Variants in SLC15A1 observed in about 807,000 individuals in gnomAD.
SLC15A1 encodes the protein solute carrier family 15 member 1.
SLC15A1 carries 83 observed loss-of-function variants against 92.9 expected under a neutral mutation model. The observed-to-expected ratio is 0.89, with a 90% confidence interval of 0.75 to 1.07. The LOEUF (loss-of-function observed/expected upper bound fraction) is 1.07. Among genes scored for constraint, SLC15A1 ranks in the 50% least tolerant of loss-of-function variants. SLC15A1 has a pLI of 0.00. For missense variants in SLC15A1, 857 were observed against 880.1 expected (o/e 0.97, Z 0.33); for synonymous variants, 322 against 318.2 (o/e 1.01, Z -0.13).
At chr13:98,742,581 T>C (rs1364610973) in intron 1 of SLC15A1, among the ~76,000 whole-genome samples, 9 of 151,812 alleles carry the variant, frequency 5.9e-5, no homozygotes, top group Non-Finnish European at 1.3e-4. Flanking sequence ...AAGTCTGAGA[T>C]GGAGGTCGGC....
chr13:98,741,067 T>C (rs1383532434), intron 1 of SLC15A1, among the ~76,000 whole-genome samples: 1 of 152,164 alleles, frequency 6.6e-6, no homozygotes, highest in Non-Finnish European at 1.5e-5. Flanking sequence ...GGGACTCTGC[T>C]TGTCCACCCA....
At chr13:98,702,791 C>T (rs2088078847) in intron 17 of SLC15A1, among the ~76,000 whole-genome samples, 1 of 151,528 alleles carries the variant, frequency 6.6e-6, no homozygotes, top group South Asian at 2.1e-4. Context: ...CCTTGTCTCT[C>T]TTAGAAATTA....
intron 10 of SLC15A1, 29 bp downstream of exon 10, chr13:98,712,469 G>A (rs761607412): frequency 6.7e-7 from 1 of 1,489,602 alleles, no homozygotes; most frequent in Non-Finnish European, 9.3e-7. Context: ...GGGGGAATCA[G>A]GGTCATTGTA....
At chr13:98,693,072 C>T (rs1442808692) in intron 18 of SLC15A1, among the ~76,000 whole-genome samples, 1 of 140,206 alleles carries the variant, frequency 7.1e-6, no homozygotes, top group Non-Finnish European at 1.5e-5. Flanking sequence ...CTTAACAACA[C>T]TTGTTATTGT....
At chr13:98,721,925 G>A in intron 5 of SLC15A1, 22 bp from the exon 6 acceptor site, 1 of 1,594,352 alleles carries the variant, frequency 6.3e-7, no homozygotes, top group Non-Finnish European at 8.6e-7. Context: ...AGGGTGTTAG[G>A]GCCAACATGG....
intron 12 of SLC15A1, 45 bp from the exon 13 acceptor site, chr13:98,709,819 G>T (rs758250756): frequency 6.2e-7 from 1 of 1,614,000 alleles, no homozygotes; most frequent in African/African-American, 1.3e-5. Flanking sequence ...GTCATGAAAG[G>T]GAAGAAGAAA....
intron 14 of SLC15A1, among the ~76,000 whole-genome samples, chr13:98,709,128 C>T (rs1566448478): frequency 6.6e-6 from 1 of 152,116 alleles, no homozygotes; most frequent in Non-Finnish European, 1.5e-5. Flanking sequence ...CCACCACACC[C>T]AGCTTATTTT....
At chr13:98,709,716 C>T (rs1192751564) in intron 13 of SLC15A1, 26 bp downstream of exon 13, 9 of 1,614,192 alleles carry the variant, frequency 5.6e-6, no homozygotes, top group Non-Finnish European at 6.8e-6. Flanking sequence ...ACTCTGATCC[C>T]TGAAAGCAAC....
In SLC15A1 at chr13:98,721,495, C is replaced by T. The variant is rs2088257316; in HGVS notation, c.556G>A (p.Val186Ile). The change falls in exon 7 of 23, where the codon GTT becomes ATT. Residue 186 changes from valine to isoleucine, a missense_variant and splice_region_variant. Transcript: ENST00000376503. Reference protein sequence around the residue: ...LSTIITPMLRVQQCGIHSKQA... With the variant: ...LSTIITPMLRIQQCGIHSKQA... ...GAAGTTCCTTTCAGGTATCTCTTAC[C>T]TCTGAGCATGGGTGTGATGATTGTG... is the stretch of plus-strand genomic sequence containing the variant. 1.9e-6 allele frequency: 3 copies of T among 1,610,732 alleles called. No homozygotes were observed. The highest frequency in any genetic ancestry group is 1.7e-6 in the Non-Finnish European group (2 of 1,177,030).
At chr13:98,730,966 ATTTG>A (rs2088345998) in intron 1 of SLC15A1, among the ~76,000 whole-genome samples, 1 of 152,090 alleles carries the variant, frequency 6.6e-6, no homozygotes, top group African/African-American at 2.4e-5. Context: ...ACGTTGGGGT[ATTTG>A]TTTTTCTGGT....
In SLC15A1 at chr13:98,688,387, A is replaced by G. The variant is rs1268339417; in HGVS notation, c.1575-31T>C. On this transcript the variant is annotated intron_variant, in intron 19 of 22. Transcript: ENST00000376503. ...AAAATAAAGAATAATATTGGTTAACATTCTTGGCATTAAAAATTTCAATGC... is the reference window on the plus strand; with the variant it reads ...AAAATAAAGAATAATATTGGTTAACGTTCTTGGCATTAAAAATTTCAATGC... The G allele has an allele frequency of 2.5e-6, 4 of 1,606,388 alleles. No homozygotes were observed. In the African/African-American group the frequency reaches 5.4e-5, roughly 22 times the overall value.
intron 18 of SLC15A1, 97 bp downstream of exon 18, chr13:98,702,383 C>G (rs1007373583): frequency 2.3e-6 from 2 of 886,896 alleles, no homozygotes; most frequent in African/African-American, 3.4e-5. Flanking sequence ...ACCCTATAAT[C>G]TCATTTTATA....
chr13:98,730,596 T>A (rs917817636), intron 1 of SLC15A1, among the ~76,000 whole-genome samples: 14 of 152,102 alleles, frequency 9.2e-5, no homozygotes. Context: ...AACAACCAAA[T>A]GAGGATGACC....
At chr13:98,742,875 A>G (rs575868908) in intron 1 of SLC15A1, among the ~76,000 whole-genome samples, 1 of 152,200 alleles carries the variant, frequency 6.6e-6, no homozygotes, top group South Asian at 2.1e-4. Flanking sequence ...TCCTGGGCTC[A>G]AGGGATCCTC....
chr13:98,705,377 T>C (rs570033347), intron 16 of SLC15A1, among the ~76,000 whole-genome samples: 1 of 152,168 alleles, frequency 6.6e-6, no homozygotes, highest in East Asian at 1.9e-4. Context: ...CACGTAATCT[T>C]TGTTATGGAG....
In SLC15A1 at chr13:98,726,241, T is replaced by C. The variant is rs181173668; in HGVS notation, c.127A>G (p.Asn43Asp). 4.3e-6 allele frequency: 7 copies of C among 1,613,950 alleles called. No homozygotes were observed. In the East Asian group the frequency reaches 1.6e-4, roughly 36 times the overall value. The change falls in exon 4 of 23, where the codon AAT becomes GAT. Residue 43 changes from asparagine to aspartate, a missense_variant. Coordinates refer to ENST00000376503, the MANE Select transcript of SLC15A1 (RefSeq NM_005073.4). The stretch of plus-strand genomic sequence containing the variant: ...AGGTTATCATCCCAGCTGATGAAAT[T>C]TGTGAAGTACAGAATCAGGATTGCT... ...MRAILILYFTNFISWDDNLST... is the reference protein window; with the variant it reads ...MRAILILYFTDFISWDDNLST...
At chr13:98,685,813 C>G (rs1182326838) in intron 22 of SLC15A1, among the ~76,000 whole-genome samples, 2 of 152,126 alleles carry the variant, frequency 1.3e-5, no homozygotes, top group African/African-American at 4.8e-5. Flanking sequence ...TGGTGAAACA[C>G]TGTCTCTACT....
Position 98,715,939 on chromosome 13 carries a change from C to G in SLC15A1, c.662G>C (p.Gly221Ala), listed in dbSNP as rs751462313. The G allele has an allele frequency of 8.1e-6, 13 of 1,614,066 alleles. No individual in the cohort carries two copies. The highest frequency in any genetic ancestry group is 1.1e-5 in the Non-Finnish European group (13 of 1,180,002). The change falls in exon 9 of 23, where the codon GGG (glycine) becomes GCG (alanine). Residue 221 changes from glycine to alanine, a missense_variant. Physicochemically the swap from Gly to Ala is moderately conservative, Grantham distance 60. Transcript: ENST00000376503. ...CTGTGGCTTGAACTTCTTGTACATC[C>G]CACTGCCAAGGACAAACACAACTAG... ...VALIVFVLGS[G>A]MYKKFKPQGN...
Position 98,684,772 on chromosome 13 carries a change from C to G in SLC15A1, c.2079G>C (p.Lys693Asn). ...CCCCTGACATGAAATATGGGTTACT[C>G]TTTTCCAGTCTGTTTTTCTTTTCAT... is the stretch of plus-strand genomic sequence containing the variant. ...DEDEKKNRLEKSNPYFMSGAN... is the reference protein window; with the variant it reads ...DEDEKKNRLENSNPYFMSGAN... The change falls in exon 23 of 23, where the codon AAG becomes AAC. Residue 693 changes from lysine to asparagine, a missense_variant. Transcript: ENST00000376503. The G allele has an allele frequency of 1.9e-6, 3 of 1,614,046 alleles. No individual in the cohort carries two copies. Among genetic ancestry groups the G allele is most frequent in the East Asian group, 2.2e-5 (1 of 44,866 alleles).
Sources: allele counts gnomAD v4.1 joint callset (sites outside exome capture counted in the v4.1 genomes callset), GRCh38; gene constraint gnomAD v4.1.1; transcripts MANE v1.5; gene names NCBI Gene and HGNC (gene_info 2026-07-23, HGNC 2026-07-21).